PODN: variants seen among roughly 807,000 people sequenced by gnomAD.
PODN encodes the protein podocan.
A neutral mutation model predicts 52.7 loss-of-function variants in PODN; 40 were observed. That is an observed-to-expected ratio of 0.76 (90% CI 0.59 to 0.99). The LOEUF is 0.99. Ranked by LOEUF, PODN falls within the 50% of genes least tolerant of loss-of-function variation. The pLI, the probability that PODN is intolerant of heterozygous loss-of-function variation, is 0.00. For missense variants in PODN, 720 were observed against 815.1 expected (o/e 0.88, Z 1.42); for synonymous variants, 396 against 377.9 (o/e 1.05, Z -0.56).
intron 1 of PODN, among the ~76,000 whole-genome samples, chr1:53,067,530 C>A (rs1173416682): frequency 2.6e-5 from 4 of 152,098 alleles, no homozygotes; most frequent in African/African-American, 9.7e-5. Flanking sequence ...TATCTGAACT[C>A]CCACAGCCAC....
intron 1 of PODN, among the ~76,000 whole-genome samples, chr1:53,064,018 G>A (rs1643998397): frequency 6.6e-6 from 1 of 152,170 alleles, no homozygotes; most frequent in South Asian, 2.1e-4. Flanking sequence ...CGTCCACTTG[G>A]AGAACTCCCG....
chr1:53,069,414 G>A (rs866783531), intron 1 of PODN, among the ~76,000 whole-genome samples: 1 of 152,340 alleles, frequency 6.6e-6, no homozygotes, highest in Middle Eastern at 3.4e-3. Context: ...GAGCCGGGAC[G>A]CACCCTGCCA....
At chr1:53,076,010 A>T in intron 5 of PODN, 39 bp downstream of exon 5, 1 of 1,467,926 alleles carries the variant, frequency 6.8e-7, no homozygotes, top group Non-Finnish European at 9.3e-7. Context: ...GGCTGGGGCA[A>T]GGGGAGGGGC....
chr1:53,063,452 A>T, intron 1 of PODN: 6 of 985,496 alleles, frequency 6.1e-6, no homozygotes, highest in Non-Finnish European at 7.2e-6. Flanking sequence ...CCCGTCCCCT[A>T]TCCCTCCTTT....
intron 2 of PODN, chr1:53,071,169 G>A: frequency 5.7e-6 from 1 of 175,328 alleles, no homozygotes; most frequent in East Asian, 1.6e-4. Flanking sequence ...GCAGGGCCAA[G>A]GAGGGGAAGG....
At chr1:53,071,652 G>C in intron 3 of PODN, 24 bp downstream of exon 3, 1 of 1,598,412 alleles carries the variant, frequency 6.3e-7, no homozygotes, top group Non-Finnish European at 8.6e-7. Context: ...CAGAGCCCAG[G>C]GTCAGGGACA....
chr1:53,066,887 G>A, intron 1 of PODN: 1 of 1,545,356 alleles, frequency 6.5e-7, no homozygotes, highest in Non-Finnish European at 8.8e-7. Flanking sequence ...CAGGATATGT[G>A]AGACCAGAGC....
intron 8 of PODN, 38 bp downstream of exon 8, chr1:53,079,060 G>T (rs571203242): frequency 5.1e-5 from 76 of 1,476,490 alleles, no homozygotes; most frequent in Non-Finnish European, 3.6e-6. Context: ...TGCCCATGGA[G>T]GGGGGTACTG....
intron 10 of PODN, among the ~76,000 whole-genome samples, chr1:53,082,520 C>G (rs1010929695): frequency 6.6e-6 from 1 of 152,108 alleles, no homozygotes; most frequent in Non-Finnish European, 1.5e-5. Flanking sequence ...AACAATCACT[C>G]AAGCTGCAGG....
chr1:53,072,101 TATAAA>T (rs978098641), intron 3 of PODN, among the ~76,000 whole-genome samples: 2 of 148,820 alleles, frequency 1.3e-5, no homozygotes, highest in African/African-American at 4.9e-5. Context: ...AATAAAATAA[TATAAA>T]ATAAAATAAA....
At chr1:53,065,441 T>C (rs1476241652) in intron 1 of PODN, among the ~76,000 whole-genome samples, 3 of 152,090 alleles carry the variant, frequency 2.0e-5, no homozygotes, top group East Asian at 1.9e-4. Flanking sequence ...GTAGTAGGGC[T>C]GGACCTTCCC....
chr1:53,069,534 C>T (rs1026507798), intron 1 of PODN, among the ~76,000 whole-genome samples: 1 of 152,220 alleles, frequency 6.6e-6, no homozygotes, highest in Non-Finnish European at 1.5e-5. Flanking sequence ...TCTCAGCTTC[C>T]CCTTCTAGGA....
At chr1:53,083,713 A>G (rs1644325851) in intron 10 of PODN, among the ~76,000 whole-genome samples, 1 of 152,194 alleles carries the variant, frequency 6.6e-6, no homozygotes, top group Non-Finnish European at 1.5e-5. Context: ...TGTTGGCCGG[A>G]GGCTGGCTGC....
intron 1 of PODN, among the ~76,000 whole-genome samples, chr1:53,069,418 C>A (rs765570832): frequency 7.2e-5 from 11 of 152,182 alleles, no homozygotes; most frequent in Non-Finnish European, 1.0e-4. Flanking sequence ...CGGGACGCAC[C>A]CTGCCAGTGC....
At position 53,080,757 on chromosome 1, in the gene PODN, A is replaced by G. The variant is rs1644283061; in HGVS notation, c.1542A>G (p.Thr514=). The change falls in exon 9 of 11, where the codon ACA becomes ACG. Residue 514 remains threonine, a synonymous_variant. Transcript: ENST00000312553. ...TGGACATCGCCGGGAATCAGCTCAC[A>G]GAGATCCCCGAGGGGCTCCCCGAGT... ...QLLDIAGNQL[T]EIPEGLPESL... The G allele has an allele frequency of 1.9e-6, 3 of 1,614,112 alleles. No homozygotes were observed. The highest frequency in any genetic ancestry group is 2.5e-6 in the Non-Finnish European group (3 of 1,179,994).
chr1:53,075,061 G>A (rs914462595), intron 4 of PODN, among the ~76,000 whole-genome samples: 2 of 152,108 alleles, frequency 1.3e-5, no homozygotes, highest in Non-Finnish European at 2.9e-5. Flanking sequence ...AAGGCACAAG[G>A]GTACTCATGT....
intron 10 of PODN, among the ~76,000 whole-genome samples, chr1:53,083,985 A>T (rs1465763350): frequency 1.3e-5 from 2 of 152,130 alleles, no homozygotes; most frequent in Non-Finnish European, 2.9e-5. Flanking sequence ...GTTGAGGGCC[A>T]CTTGGGTGGG....
chr1:53,077,752 T>G lies in PODN; in HGVS notation c.806T>G (p.Leu269Arg), dbSNP rs1263281932. ...CTGAGCAGCCTGCGCGAGCTATACC[T>G]GCAGAACAACTACCTGACTGACGAG... ...SELSSLRELY[L>R]QNNYLTDEGL... Residue 269 changes from leucine to arginine, a missense_variant, in exon 7 of 11, where the codon CTG becomes CGG. Transcript: ENST00000312553. 1 of 1,613,774 alleles carries G rather than the reference T, an allele frequency of 6.2e-7. No individual in the cohort carries two copies.
At chr1:53,062,910 G>A (rs1341225400) in intron 1 of PODN, among the ~76,000 whole-genome samples, 1 of 152,242 alleles carries the variant, frequency 6.6e-6, no homozygotes, top group Non-Finnish European at 1.5e-5. Flanking sequence ...CACTAGTTGA[G>A]CTAAAGGTCT....
Sources: allele counts gnomAD v4.1 joint callset (sites outside exome capture counted in the v4.1 genomes callset), GRCh38; gene constraint gnomAD v4.1.1; transcripts MANE v1.5; gene names NCBI Gene and HGNC (gene_info 2026-07-23, HGNC 2026-07-21).